MBD5: variants seen among roughly 807,000 people sequenced by gnomAD.
MBD5 encodes methyl-CpG-binding domain protein 5.
Under a neutral mutation model 117.3 loss-of-function variants are expected in MBD5, and 13 were observed. That is an observed-to-expected ratio of 0.11 (90% CI 0.07 to 0.18). MBD5 has a LOEUF of 0.18. Among genes scored for constraint, MBD5 ranks in the 10% least tolerant of loss-of-function variants. MBD5 has a pLI of 1.00. For missense variants in MBD5, 1,879 were observed against 2,093.8 expected, an observed-to-expected ratio of 0.90 and a Z score of 2.00; for synonymous variants, 727 against 766.4, an observed-to-expected ratio of 0.95 and a Z score of 0.85.
At chr2:148,071,274 ATATGTGTGTGTGTGTGTGTGTGTGTG>A (rs1451195469) in intron 1 of MBD5, 1 of 134,942 alleles carries the variant, frequency 7.4e-6, no homozygotes, top group Non-Finnish European at 1.6e-5. Flanking sequence ...ATATATCTGT[ATATGTGTGTGTGTGTGTGTGTGTGTG>A]TGTGTGTGTG....
At chr2:148,274,914 G>T (rs1292198968) in intron 3 of MBD5, among the ~76,000 whole-genome samples, 4 of 151,878 alleles carry the variant, frequency 2.6e-5, no homozygotes, top group African/African-American at 9.7e-5. Flanking sequence ...GTAGAGACGG[G>T]GTTTCACCAT....
chr2:148,463,797 C>G lies in MBD5; in HGVS notation c.275C>G (p.Ala92Gly), dbSNP rs2105581712. 1 of 1,613,724 alleles carries G rather than the reference C, an allele frequency of 6.2e-7. No individual in the cohort carries two copies. The highest frequency in any genetic ancestry group is 8.5e-7 in the Non-Finnish European group (1 of 1,179,772). The change falls in exon 7 of 14, where the codon GCA (alanine) becomes GGA (glycine). Residue 92 changes from alanine (A) to glycine (G), a missense_variant. By Grantham distance (60) the Ala-to-Gly change is moderately conservative. This residue lies in a region of MBD5 where 71 missense variants were observed against 129.2 expected (regional missense o/e 0.55). Transcript: ENST00000642680. ...VKQRTAEDVK[A>G]DEDVTKLCIH... ...CAGAGAACCGCAGAAGATGTTAAGG[C>G]AGATGAAGATGTCACAAAGCTATGC...
rs200385193 is a variant in MBD5, at chr2:148,051,422, C to T, written c.-925+29738C>T. The stretch of plus-strand genomic sequence containing the variant: ...ATTTCTGTTTTTCTTTTTTTTTTTT[C>T]GCCCAGTTTCCCTGGCTGGAATGCT... On this transcript the variant is annotated intron_variant, in intron 1 of 13. Transcript: ENST00000642680. Among the ~76,000 whole-genome samples the T allele has an allele frequency of 3.8e-3, 525 of 138,526 alleles. 1 individual carries two copies. The highest frequency in any genetic ancestry group is 8.9e-3 in the East Asian group (43 of 4,826). The allele number at this position is 138,526 out of a possible 152,430, so 90.9% of individuals were successfully genotyped here. A position where few individuals can be genotyped will look rare whatever the true frequency, so the allele number is the denominator to read the frequency against.
At chr2:148,330,053 C>CCCCCCCCCCCA (rs1559026394) in intron 3 of MBD5, among the ~76,000 whole-genome samples, 3 of 21,088 alleles carry the variant, frequency 1.4e-4, no homozygotes, top group Non-Finnish European at 3.2e-4. Context: ...GCCCCCCCCA[C>CCCCCCCCCCCA]ACACACACAC....
chr2:148,124,309 ACAC>A (rs1696838161), intron 1 of MBD5, among the ~76,000 whole-genome samples: 1 of 151,704 alleles, frequency 6.6e-6, no homozygotes, highest in Non-Finnish European at 1.5e-5. Flanking sequence ...ACACACACAC[ACAC>A]AAAAAACAAG....
At chr2:148,093,364 T>C (rs181319230) in intron 1 of MBD5, among the ~76,000 whole-genome samples, 56 of 152,342 alleles carry the variant, frequency 3.7e-4, no homozygotes, top group Admixed American at 3.5e-3. Flanking sequence ...TTTGCTGTTA[T>C]TTTGAATGTT....
intron 1 of MBD5, among the ~76,000 whole-genome samples, chr2:148,153,286 G>T (rs1014659582): frequency 1.3e-5 from 2 of 152,004 alleles, no homozygotes; most frequent in African/African-American, 4.8e-5. Context: ...CTTCTGGCTT[G>T]TAGGGTTTCT....
chr2:148,294,176 T>C (rs892600529), intron 3 of MBD5, among the ~76,000 whole-genome samples: 1 of 150,896 alleles, frequency 6.6e-6, no homozygotes, highest in African/African-American at 2.5e-5. Context: ...CTTTTTGAAA[T>C]AGAGTTTGGC....
At chr2:148,493,681 C>G (rs1292640585) in intron 11 of MBD5, among the ~76,000 whole-genome samples, 1 of 152,136 alleles carries the variant, frequency 6.6e-6, no homozygotes, top group African/African-American at 2.4e-5. Flanking sequence ...TAGTAACTGA[C>G]TTGGTCAGCT....
intron 1 of MBD5, among the ~76,000 whole-genome samples, chr2:148,100,926 T>C (rs1696195399): frequency 3.9e-5 from 6 of 152,180 alleles, no homozygotes; most frequent in African/African-American, 1.4e-4. Context: ...GATTGATTGA[T>C]TGATTGATTG....
intron 3 of MBD5, among the ~76,000 whole-genome samples, chr2:148,318,642 A>C (rs996614324): frequency 2.0e-5 from 3 of 151,982 alleles, no homozygotes; most frequent in Admixed American, 2.0e-4. Context: ...GTATATGGTG[A>C]TATACAAAAA....
At chr2:148,120,331 G>A (rs958954347) in intron 1 of MBD5, among the ~76,000 whole-genome samples, 6 of 152,058 alleles carry the variant, frequency 3.9e-5, no homozygotes, top group Non-Finnish European at 7.4e-5. Context: ...CTGCAAAATC[G>A]CCAGCTTGAG....
chr2:148,034,983 G>A (rs529171160), intron 1 of MBD5, among the ~76,000 whole-genome samples: 84 of 152,178 alleles, frequency 5.5e-4, no homozygotes, highest in African/African-American at 1.9e-3. Context: ...AACCTTTAAC[G>A]AGCTGTTAAA....
intron 1 of MBD5, among the ~76,000 whole-genome samples, chr2:148,132,864 G>A (rs919612836): frequency 3.3e-5 from 5 of 152,118 alleles, no homozygotes; most frequent in Non-Finnish European, 5.9e-5. Context: ...TAGCTACTAT[G>A]TACTTTTGTC....
In MBD5 at chr2:148,458,693, G is replaced by T; in HGVS notation, c.-66G>T. On this transcript the variant is annotated 5_prime_UTR_variant, in exon 5 of 14. An upstream start codon of the reference 5' UTR is lost. Transcript: ENST00000642680. ...CTGGCCCACTTTTGAAGGCCATCATGCTCTGTAATATAAGGATATCATCTT... is the reference window on the plus strand; with the variant it reads ...CTGGCCCACTTTTGAAGGCCATCATTCTCTGTAATATAAGGATATCATCTT... The T allele has an allele frequency of 1.4e-6, 2 of 1,388,138 alleles. No individual in the cohort carries two copies. The highest frequency in any genetic ancestry group is 2.1e-6 in the Non-Finnish European group (2 of 975,060). The allele number at this position is 1,388,138 out of a possible 1,614,324, so 86.0% of individuals were successfully genotyped here. A position where few individuals can be genotyped will look rare whatever the true frequency, so the allele number is the denominator to read the frequency against.
chr2:148,234,353 A>G (rs1309912322), intron 3 of MBD5, among the ~76,000 whole-genome samples: 2 of 152,142 alleles, frequency 1.3e-5, no homozygotes, highest in Non-Finnish European at 1.5e-5. Context: ...CATAAGAGGA[A>G]TGCTTTCTAT....
chr2:148,325,903 T>C (rs1386428299), intron 3 of MBD5, among the ~76,000 whole-genome samples: 1 of 152,148 alleles, frequency 6.6e-6, no homozygotes, highest in Non-Finnish European at 1.5e-5. Flanking sequence ...GCTCTTGCTT[T>C]TCTAGTTCTT....
intron 2 of MBD5, among the ~76,000 whole-genome samples, chr2:148,195,232 G>A (rs192264067): frequency 6.6e-6 from 1 of 152,226 alleles, no homozygotes; most frequent in African/African-American, 2.4e-5. Context: ...AATATACCAT[G>A]CAAACACTAA....
chr2:148,250,707 G>A (rs564165493), intron 3 of MBD5, among the ~76,000 whole-genome samples: 34 of 152,274 alleles, frequency 2.2e-4, no homozygotes, highest in African/African-American at 7.0e-4. Flanking sequence ...TACTATGGTG[G>A]TGCATTCAGA....
Sources: allele counts gnomAD v4.1 joint callset (sites outside exome capture counted in the v4.1 genomes callset), GRCh38; gene constraint gnomAD v4.1.1; regional missense constraint gnomAD v4.1.1; transcripts MANE v1.5; gene names NCBI Gene and HGNC (gene_info 2026-07-23, HGNC 2026-07-21).